The following PLEKHG1 variants were observed in gnomAD, a reference collection of about 807,000 sequenced individuals.
PLEKHG1 encodes the protein pleckstrin homology domain-containing family G member 1.
A neutral mutation model predicts 100.8 loss-of-function variants in PLEKHG1; 44 were observed. That is an observed-to-expected ratio of 0.44 (90% CI 0.34 to 0.56). The LOEUF is 0.56. Among genes scored for constraint, PLEKHG1 ranks in the 20% least tolerant of loss-of-function variants. PLEKHG1 has a pLI of 0.01. For synonymous variants in PLEKHG1, 640 were observed against 662.5 expected (o/e 0.97, Z 0.52); for missense variants, 1,545 against 1,720.9 (o/e 0.90, Z 1.81).
At chr6:150,672,920 T>C (rs144737706) in intron 3 of PLEKHG1, among the ~76,000 whole-genome samples, 22 of 152,346 alleles carry the variant, frequency 1.4e-4, no homozygotes, top group African/African-American at 4.8e-4. Context: ...ACTCTCTGCT[T>C]ATTTCCCCCT....
chr6:150,784,765 G>GA (rs1184825920), intron 3 of PLEKHG1, among the ~76,000 whole-genome samples: 7 of 147,702 alleles, frequency 4.7e-5, no homozygotes, highest in East Asian at 2.0e-4. Flanking sequence ...CTTGAAAAAA[G>GA]AAAAAAAAAG....
intron 14 of PLEKHG1, chr6:150,828,062 C>T (rs1449894141): frequency 2.5e-6 from 4 of 1,612,896 alleles, no homozygotes; most frequent in Non-Finnish European, 3.4e-6. Context: ...TAAATCAGCA[C>T]CTCAGTGGAC....
intron 14 of PLEKHG1, among the ~76,000 whole-genome samples, chr6:150,826,836 A>T (rs1248469498): frequency 6.6e-6 from 1 of 151,960 alleles, no homozygotes; most frequent in Non-Finnish European, 1.5e-5. Context: ...ACAAGGTCTG[A>T]CTATGTTGCT....
intron 1 of PLEKHG1, among the ~76,000 whole-genome samples, chr6:150,612,045 T>TCCC (rs34843386): frequency 1.3e-4 from 10 of 77,274 alleles, no homozygotes; most frequent in African/African-American, 2.4e-4. Context: ...CTGGTGTTGT[T>TCCC]CCCCCCCCCC....
chr6:150,663,237 T>A (rs919540848), intron 3 of PLEKHG1: 1 of 152,228 alleles, frequency 6.6e-6, no homozygotes, highest in Non-Finnish European at 1.5e-5. Context: ...AATGTTTACA[T>A]TTCTATATAG....
exon 16 of PLEKHG1, chr6:150,841,192 C>T (rs1165834180): frequency 1.0e-5 from 5 of 488,994 alleles, no homozygotes; most frequent in Non-Finnish European, 1.9e-5. Context: ...CATAACCTGA[C>T]AATAGTGCCC....
At chr6:150,623,132 A>C (rs931457211) in intron 1 of PLEKHG1, among the ~76,000 whole-genome samples, 4 of 151,674 alleles carry the variant, frequency 2.6e-5, no homozygotes, top group African/African-American at 9.7e-5. Flanking sequence ...TTGAGGTTTC[A>C]CTTCTCCCTA....
In PLEKHG1 at chr6:150,804,593, G is replaced by C. The variant is rs7764618; in HGVS notation, c.781-17G>C. 4 of 1,538,566 alleles carry C rather than the reference G, an allele frequency of 2.6e-6. No individual in the cohort carries two copies. The Admixed American group carries it at 8.6e-5, about 33-fold the overall frequency. On this transcript the variant is annotated splice_polypyrimidine_tract_variant and intron_variant, in intron 6 of 15. Coordinates refer to ENST00000358517, the Ensembl canonical transcript of PLEKHG1. ...TAAAATGAAAAAAAAAAAAACCCTCGTTCTTTTTTGTTTAAGGAAATAGAA... is the reference window on the plus strand; with the variant it reads ...TAAAATGAAAAAAAAAAAAACCCTCCTTCTTTTTTGTTTAAGGAAATAGAA...
intron 2 of PLEKHG1, among the ~76,000 whole-genome samples, chr6:150,743,659 A>G (rs1479693606): frequency 1.3e-5 from 2 of 152,314 alleles, no homozygotes; most frequent in African/African-American, 2.4e-5. Flanking sequence ...CTTCAGACCA[A>G]TGTATCTCCT....
At chr6:150,681,928 A>C (rs908291650) in intron 3 of PLEKHG1, among the ~76,000 whole-genome samples, 3 of 151,588 alleles carry the variant, frequency 2.0e-5, no homozygotes, top group Non-Finnish European at 4.4e-5. Context: ...GCTAAACCCC[A>C]CTCTGCAGTG....
In PLEKHG1 at chr6:150,820,207, TA is replaced by T. The variant is rs1230260107; in HGVS notation, c.1408+446del. The stretch of plus-strand genomic sequence containing the variant: ...ATGGGCGACAGAGTGAGACTCTGTC[TA>T]AAAAAAAAAAAACCTCTTTTCTACT... On this transcript the variant is annotated intron_variant, in intron 12 of 15. Transcript: ENST00000358517. 1.0e-3 allele frequency among the ~76,000 whole-genome samples: 145 copies of T among 141,260 alleles called. 1 individual carries two copies. Among genetic ancestry groups the T allele is most frequent in the South Asian group, 5.9e-3 (26 of 4,430 alleles). The allele number at this position is 141,260 out of a possible 152,430, so 92.7% of individuals were successfully genotyped here.
chr6:150,740,273 A>G (rs1782779544), intron 2 of PLEKHG1, among the ~76,000 whole-genome samples: 1 of 152,180 alleles, frequency 6.6e-6, no homozygotes, highest in Non-Finnish European at 1.5e-5. Context: ...CTTCCCATTG[A>G]TCCTGCTAGA....
chr6:150,689,474 A>G (rs1485186239), intron 3 of PLEKHG1, among the ~76,000 whole-genome samples: 9 of 152,254 alleles, frequency 5.9e-5, no homozygotes, highest in African/African-American at 9.6e-5. Flanking sequence ...TGTCTCTAAC[A>G]TTTAGTCCAG....
chr6:150,842,030 TAATA>T (rs966203987), exon 16 of PLEKHG1: 2 of 152,226 alleles, frequency 1.3e-5, no homozygotes, highest in East Asian at 1.9e-4. Flanking sequence ...AGGTGCTGAC[TAATA>T]AATAACACCT....
chr6:150,603,735 A>G (rs1776468158), intron 1 of PLEKHG1, among the ~76,000 whole-genome samples: 1 of 126,286 alleles, frequency 7.9e-6, no homozygotes, highest in Admixed American at 8.0e-5. Flanking sequence ...CAAAGTAAAA[A>G]TTTCCACATC....
At chr6:150,725,013 GT>G (rs1781890569) in intron 1 of PLEKHG1, among the ~76,000 whole-genome samples, 2 of 152,184 alleles carry the variant, frequency 1.3e-5, no homozygotes, top group Non-Finnish European at 2.9e-5. Flanking sequence ...ATTGACTAGT[GT>G]CTTAGTCCAT....
chr6:150,630,098 C>G (rs1244462396), intron 1 of PLEKHG1, among the ~76,000 whole-genome samples: 9 of 152,152 alleles, frequency 5.9e-5, no homozygotes, highest in Admixed American at 5.9e-4. Context: ...CCACAGTGCT[C>G]TCTTTAAAGC....
chr6:150,764,117 C>CTTTTTTTTT (rs67507838), intron 2 of PLEKHG1, among the ~76,000 whole-genome samples: 4 of 145,702 alleles, frequency 2.7e-5, no homozygotes, highest in African/African-American at 7.7e-5. Flanking sequence ...TTTTCTTTTT[C>CTTTTTTTTT]TTTTTCTTTT....
At chr6:150,754,206 G>A (rs923228113) in intron 2 of PLEKHG1, among the ~76,000 whole-genome samples, 6 of 152,156 alleles carry the variant, frequency 3.9e-5, no homozygotes, top group Non-Finnish European at 4.4e-5. Context: ...GCCAATACTG[G>A]CAGTGAGAAA....
Sources: allele counts gnomAD v4.1 joint callset (sites outside exome capture counted in the v4.1 genomes callset), GRCh38; gene constraint gnomAD v4.1.1; transcripts MANE v1.5; gene names NCBI Gene and HGNC (gene_info 2026-07-23, HGNC 2026-07-21).